Variants in FAR2 observed in about 807,000 individuals in gnomAD.
The protein encoded by FAR2 is fatty acyl-CoA reductase 2.
FAR2 carries 19 observed loss-of-function variants against 56.0 expected under a neutral mutation model. That is an observed-to-expected ratio of 0.34 (90% CI 0.24 to 0.50). FAR2 has a LOEUF of 0.50. Among genes scored for constraint, FAR2 ranks in the 20% least tolerant of loss-of-function variants. The pLI is 0.98. For synonymous variants in FAR2, 219 were observed against 218.8 expected (o/e 1.00, Z -0.01); for missense variants, 508 against 642.2 (o/e 0.79, Z 2.26).
intron 1 of FAR2, among the ~76,000 whole-genome samples, chr12:29,264,503 A>T (rs1276052460): frequency 6.6e-6 from 1 of 152,016 alleles, no homozygotes; most frequent in Non-Finnish European, 1.5e-5. Flanking sequence ...GGCCAGGTGC[A>T]TTGGCTCTTG....
At chr12:29,246,324 A>G (rs1270389218) in intron 1 of FAR2, among the ~76,000 whole-genome samples, 1 of 152,220 alleles carries the variant, frequency 6.6e-6, no homozygotes, top group Non-Finnish European at 1.5e-5. Flanking sequence ...TCAAGTTTTA[A>G]AAACTTTCAG....
intron 1 of FAR2, among the ~76,000 whole-genome samples, chr12:29,186,755 A>ATTAT (rs200745083): frequency 0.023 from 1,072 of 46,262 alleles, 8 homozygotes; most frequent in Middle Eastern, 0.057. Flanking sequence ...TTCTTTATTT[A>ATTAT]TTATTTATTT....
At chr12:29,298,010 T>C (rs1949098840) in intron 4 of FAR2, among the ~76,000 whole-genome samples, 2 of 135,020 alleles carry the variant, frequency 1.5e-5, no homozygotes, top group Admixed American at 8.5e-5. Flanking sequence ...CACTCCAGCC[T>C]GGGCAACAAG....
At chr12:29,273,852 GC>G (rs1948660441) in intron 2 of FAR2, among the ~76,000 whole-genome samples, 1 of 152,118 alleles carries the variant, frequency 6.6e-6, no homozygotes, top group South Asian at 2.1e-4. Context: ...GGGCCGGGTA[GC>G]ATGCTCACTC....
chr12:29,221,143 T>TA (rs914184811), intron 1 of FAR2, among the ~76,000 whole-genome samples: 7 of 152,060 alleles, frequency 4.6e-5, no homozygotes, highest in African/African-American at 1.2e-4. Context: ...CATATACCCG[T>TA]AAAATCAGCC....
rs1297525964 is a variant in FAR2 at position 29,151,124 on chromosome 12, C to T, written c.-39+1717C>T. Reference sequence around the variant, plus strand: ...TCTTGAGTGCATTTGTTTCTGGCAACGTCTCATCAGTGTTAAGAATTCCTT... The same window carrying T: ...TCTTGAGTGCATTTGTTTCTGGCAATGTCTCATCAGTGTTAAGAATTCCTT... On this transcript the variant is annotated intron_variant, in intron 1 of 11. Coordinates refer to ENST00000536681, the MANE Select transcript of FAR2 (RefSeq NM_001271783.2). Among the ~76,000 whole-genome samples, 8 of 152,282 alleles carry T rather than the reference C, an allele frequency of 5.3e-5. No homozygotes were observed. The East Asian group carries it at 1.5e-3, about 29-fold the overall frequency.
chr12:29,298,690 T>G (rs974719095), intron 4 of FAR2, among the ~76,000 whole-genome samples: 1 of 152,200 alleles, frequency 6.6e-6, no homozygotes, highest in African/African-American at 2.4e-5. Flanking sequence ...TAAAGTATGT[T>G]TAAAGCCTCA....
intron 1 of FAR2, among the ~76,000 whole-genome samples, chr12:29,257,627 G>A (rs1422617884): frequency 6.6e-6 from 1 of 151,952 alleles, no homozygotes; most frequent in African/African-American, 2.4e-5. Context: ...TGAAGCCAGC[G>A]AGACCACGAG....
At chr12:29,286,645 A>G (rs1419289280) in intron 2 of FAR2, among the ~76,000 whole-genome samples, 1 of 152,214 alleles carries the variant, frequency 6.6e-6, no homozygotes, top group Non-Finnish European at 1.5e-5. Context: ...TGGGGAAAAG[A>G]AAACATAACC....
At chr12:29,215,601 T>C (rs1415960137) in intron 1 of FAR2, among the ~76,000 whole-genome samples, 3 of 152,210 alleles carry the variant, frequency 2.0e-5, no homozygotes, top group Non-Finnish European at 4.4e-5. Context: ...CACTTTTAGG[T>C]AAATTCAGTG....
chr12:29,300,715 CTTAT>C (rs778356870), intron 4 of FAR2, among the ~76,000 whole-genome samples: 6 of 151,872 alleles, frequency 4.0e-5, no homozygotes, highest in East Asian at 1.9e-4. Flanking sequence ...TTCAGCAGTT[CTTAT>C]TTATTTATTT....
chr12:29,228,298 C>T (rs996559507), intron 1 of FAR2, among the ~76,000 whole-genome samples: 1 of 152,032 alleles, frequency 6.6e-6, no homozygotes, highest in African/African-American at 2.4e-5. Flanking sequence ...AACAAAAAGT[C>T]AGGATTTTTT....
chr12:29,169,133 C>T (rs767483456), intron 1 of FAR2, among the ~76,000 whole-genome samples: 2 of 152,172 alleles, frequency 1.3e-5, no homozygotes, highest in Non-Finnish European at 2.9e-5. Context: ...AGTCCCCACT[C>T]GACCCAGGAA....
At chr12:29,288,327 C>A (rs1591931475) in intron 2 of FAR2, among the ~76,000 whole-genome samples, 1 of 152,154 alleles carries the variant, frequency 6.6e-6, no homozygotes, top group African/African-American at 2.4e-5. Flanking sequence ...CAACTATTTA[C>A]CTCTCAGTCT....
chr12:29,256,058 G>GCTGTCTCT (rs1948311273), intron 1 of FAR2, among the ~76,000 whole-genome samples: 2 of 152,004 alleles, frequency 1.3e-5, no homozygotes, highest in South Asian at 4.1e-4. Flanking sequence ...TTTTAGTAGA[G>GCTGTCTCT]ACAGGGTTTC....
Position 29,307,697 on chromosome 12 carries a change from G to A in FAR2, c.585G>A (p.Lys195=). 1.2e-6 allele frequency: 2 copies of A among 1,613,606 alleles called. No homozygotes were observed. The highest frequency in any genetic ancestry group is 1.7e-5 in the Admixed American group (1 of 59,982). Residue 195 remains lysine, a synonymous_variant, in exon 5 of 12, where the codon AAG becomes AAA. Transcript: ENST00000536681. The part of the protein sequence containing the change: ...DDAIIDEITP[K]LIRDWPNIYT... ...CTATTATTGACGAGATTACACCCAA[G>A]CTGATCAGAGATTGGCCCAATATTT...
At chr12:29,236,343 A>C (rs529043628) in intron 1 of FAR2, among the ~76,000 whole-genome samples, 3 of 152,298 alleles carry the variant, frequency 2.0e-5, no homozygotes, top group Non-Finnish European at 4.4e-5. Context: ...CCCTAAGCCA[A>C]AGAAGGGGAA....
At chr12:29,323,419 C>T (rs1591970488) in intron 10 of FAR2, among the ~76,000 whole-genome samples, 1 of 152,334 alleles carries the variant, frequency 6.6e-6, no homozygotes, top group Non-Finnish European at 1.5e-5. Flanking sequence ...CAGCACGCAG[C>T]TTGAGATCTG....
intron 10 of FAR2, among the ~76,000 whole-genome samples, chr12:29,329,073 C>A (rs17715086): frequency 0.31 from 47,109 of 151,876 alleles, 9,167 homozygotes; most frequent in Admixed American, 0.46. Context: ...GCACAAAAGG[C>A]AAGATTTAGA....
Sources: allele counts gnomAD v4.1 joint callset (sites outside exome capture counted in the v4.1 genomes callset), GRCh38; gene constraint gnomAD v4.1.1; transcripts MANE v1.5; gene names NCBI Gene and HGNC (gene_info 2026-07-23, HGNC 2026-07-21).